Variants in EHBP1 observed in about 807,000 individuals in gnomAD.
EHBP1 encodes EH domain binding protein 1.
In EHBP1, 55 loss-of-function variants were observed where a neutral mutation model predicts 144.0. That is an observed-to-expected ratio of 0.38 (90% CI 0.31 to 0.48). The LOEUF is 0.48. Among genes scored for constraint, EHBP1 ranks in the 20% least tolerant of loss-of-function variants. The pLI is 0.98. For synonymous variants in EHBP1, 469 were observed against 472.7 expected (o/e 0.99, Z 0.10); for missense variants, 1,200 against 1,364.2 (o/e 0.88, Z 1.90).
chr2:62,942,970 C>G, intron 11 of EHBP1, 74 bp downstream of exon 11: 1 of 1,091,908 alleles, frequency 9.2e-7, no homozygotes, highest in Non-Finnish European at 1.3e-6. Context: ...AAAATAATTT[C>G]TTAGCACATC....
In EHBP1 at chr2:62,942,700, C is replaced by T. The variant is rs201153563; in HGVS notation, c.1186-18C>T. 3.4e-5 allele frequency: 53 copies of T among 1,551,614 alleles called. No homozygotes were observed. The East Asian group carries it at 1.1e-3, about 33-fold the overall frequency. On this transcript the variant is annotated intron_variant, in intron 10 of 22. Transcript: ENST00000431489. ...CATTAAATTCTTTTAATGTTTTCCCCTTTTCATTTTTTTCTAGCCAAGCCC... is the reference window on the plus strand; with the variant it reads ...CATTAAATTCTTTTAATGTTTTCCCTTTTTCATTTTTTTCTAGCCAAGCCC...
At chr2:62,898,426 A>T (rs886649355) in intron 10 of EHBP1, among the ~76,000 whole-genome samples, 1 of 152,192 alleles carries the variant, frequency 6.6e-6, no homozygotes, top group South Asian at 2.1e-4. Flanking sequence ...ATCTTGATGT[A>T]TATATTATCT....
rs2033515906 is a variant in EHBP1 at position 62,681,354 on chromosome 2, A to ATATATATATATATATATATATATATATG, written c.-296+7277_-296+7278insTATATATATATATATATATATGTATATA. Among the ~76,000 whole-genome samples the ATATATATATATATATATATATATATATG allele has an allele frequency of 2.0e-4, 24 of 123,004 alleles. 1 individual carries two copies. Among genetic ancestry groups the ATATATATATATATATATATATATATATG allele is most frequent in the African/African-American group, 7.0e-4 (22 of 31,340 alleles). 80.7% of individuals were successfully genotyped at this position (123,004 alleles called of 152,430 possible). A position where few individuals can be genotyped will look rare whatever the true frequency, so the allele number is the denominator to read the frequency against. On this transcript the variant is annotated intron_variant, in intron 1 of 22. Transcript: ENST00000405015. Reference sequence around the variant, plus strand: ...TATGTGTGTGTGTATATATATATATATATATAATGTGTATATATGTATAAA... The same window carrying ATATATATATATATATATATATATATATG: ...TATGTGTGTGTGTATATATATATATATATATATATATATATATATATATATATGTATATAATGTGTATATATGTATAAA...
intron 19 of EHBP1, among the ~76,000 whole-genome samples, chr2:63,004,479 C>G (rs2059960382): frequency 1.3e-5 from 2 of 152,018 alleles, no homozygotes; most frequent in South Asian, 4.1e-4. Context: ...TGATTGGTAA[C>G]AACACACCTA....
intron 14 of EHBP1, among the ~76,000 whole-genome samples, chr2:62,965,608 G>C (rs2058212194): frequency 6.6e-6 from 1 of 152,124 alleles, no homozygotes; most frequent in African/African-American, 2.4e-5. Context: ...ACCTTTTCTG[G>C]AAGCCCTTAA....
intron 19 of EHBP1, among the ~76,000 whole-genome samples, chr2:63,019,882 AGGAAGGAAG>A (rs2060648562): frequency 6.9e-6 from 1 of 145,856 alleles, no homozygotes; most frequent in African/African-American, 2.5e-5. Flanking sequence ...GAAGGAAGGA[AGGAAGGAAG>A]GAAAAAAAAA....
chr2:62,920,840 GT>G (rs1338439227), intron 10 of EHBP1, among the ~76,000 whole-genome samples: 1 of 151,578 alleles, frequency 6.6e-6, no homozygotes, highest in Non-Finnish European at 1.5e-5. Context: ...TTTTTGTGGG[GT>G]TTTTTTAAGT....
chr2:62,845,370 A>G (rs1270209288), intron 7 of EHBP1, among the ~76,000 whole-genome samples: 1 of 152,176 alleles, frequency 6.6e-6, no homozygotes. Flanking sequence ...TTAATTTGGG[A>G]GAAGGAAGAG....
At chr2:63,030,379 CTG>C (rs1469287423) in intron 19 of EHBP1, among the ~76,000 whole-genome samples, 7 of 152,044 alleles carry the variant, frequency 4.6e-5, no homozygotes, top group South Asian at 2.1e-4. Context: ...TTATAAATAT[CTG>C]TTTTAATATT....
At chr2:62,886,162 C>T (rs1287582719) in intron 10 of EHBP1, among the ~76,000 whole-genome samples, 1 of 152,206 alleles carries the variant, frequency 6.6e-6, no homozygotes, top group African/African-American at 2.4e-5. Flanking sequence ...AAGTTCTTTA[C>T]CTCAATTTCT....
intron 14 of EHBP1, among the ~76,000 whole-genome samples, chr2:62,967,612 G>T (rs1371374355): frequency 2.0e-5 from 3 of 152,062 alleles, no homozygotes; most frequent in Non-Finnish European, 4.4e-5. Flanking sequence ...TATCTTACGG[G>T]ATTTTTCCAG....
chr2:62,785,955 T>G (rs560757711), intron 5 of EHBP1, among the ~76,000 whole-genome samples: 3 of 152,214 alleles, frequency 2.0e-5, no homozygotes, highest in Non-Finnish European at 4.4e-5. Context: ...CTGACCTTTC[T>G]GCGTGTTGTT....
intron 1 of EHBP1, among the ~76,000 whole-genome samples, chr2:62,675,483 G>C (rs1015497124): frequency 3.9e-5 from 6 of 152,118 alleles, no homozygotes; most frequent in African/African-American, 1.4e-4. Context: ...ACAGAAAATG[G>C]CTGAATATGC....
At chr2:62,892,924 T>C (rs2052582444) in intron 10 of EHBP1, among the ~76,000 whole-genome samples, 1 of 152,176 alleles carries the variant, frequency 6.6e-6, no homozygotes, top group Admixed American at 6.5e-5. Context: ...TAGTATTCCT[T>C]TTAATTTCAA....
intron 7 of EHBP1, among the ~76,000 whole-genome samples, chr2:62,842,658 C>G (rs2047994820): frequency 6.6e-6 from 1 of 152,172 alleles, no homozygotes; most frequent in African/African-American, 2.4e-5. Context: ...CAAATGTAGG[C>G]ATTTTCCTAT....
At chr2:62,970,268 T>TA (rs1203143646) in intron 14 of EHBP1, among the ~76,000 whole-genome samples, 2 of 152,048 alleles carry the variant, frequency 1.3e-5, no homozygotes, top group Admixed American at 6.6e-5. Context: ...AAACTTTTTT[T>TA]AAAAAAATTT....
At chr2:62,992,031 A>G (rs2059434596) in intron 16 of EHBP1, among the ~76,000 whole-genome samples, 1 of 152,188 alleles carries the variant, frequency 6.6e-6, no homozygotes. Flanking sequence ...TAAGAATAAT[A>G]CAATAGATTG....
chr2:62,866,400 A>G (rs552785496), intron 9 of EHBP1, among the ~76,000 whole-genome samples: 2 of 152,246 alleles, frequency 1.3e-5, no homozygotes, highest in Non-Finnish European at 2.9e-5. Flanking sequence ...GACCTGACCC[A>G]TAATGAGGAG....
At chr2:62,993,762 T>C in intron 17 of EHBP1, 94 bp downstream of exon 17, 2 of 742,198 alleles carry the variant, frequency 2.7e-6, no homozygotes, top group South Asian at 1.1e-4. Flanking sequence ...ATATATAGCA[T>C]ATATATATAG....
Sources: gnomAD v4.1 joint callset for allele counts (sites outside exome capture counted in the v4.1 genomes callset) on GRCh38, gnomAD v4.1.1 for gene constraint, MANE v1.5 for transcripts, NCBI Gene and HGNC (gene_info 2026-07-23, HGNC 2026-07-21) for gene names.